NAV2: variants seen among roughly 807,000 people sequenced by gnomAD.
NAV2 encodes neuron navigator 2.
NAV2 carries 54 observed loss-of-function variants against 223.2 expected under a neutral mutation model. That is an observed-to-expected ratio of 0.24 (90% CI 0.19 to 0.30). The LOEUF (loss-of-function observed/expected upper bound fraction) is 0.30, where lower values mean the gene tolerates loss of function less well. NAV2 is among the 10% of genes least tolerant of loss of function. The pLI is 1.00. For missense variants in NAV2, 2,806 were observed against 3,147.5 expected (o/e 0.89, Z 2.60); for synonymous variants, 1,279 against 1,239.3 (o/e 1.03, Z -0.67).
chr11:20,009,049 G>A (rs1249497660), intron 11 of NAV2, among the ~76,000 whole-genome samples: 3 of 152,076 alleles, frequency 2.0e-5, no homozygotes, highest in South Asian at 2.1e-4. Flanking sequence ...CCATCCTCAC[G>A]TGGCTACACA....
intron 14 of NAV2, 118 bp downstream of exon 14, chr11:20,045,788 G>C (rs2057368928): frequency 1.1e-6 from 1 of 878,198 alleles, no homozygotes; most frequent in African/African-American, 1.7e-5. Flanking sequence ...CTCCAGTAAA[G>C]CTGTTTTGTC....
At chr11:20,013,123 T>C (rs1022765432) in intron 11 of NAV2, among the ~76,000 whole-genome samples, 5 of 152,214 alleles carry the variant, frequency 3.3e-5, no homozygotes, top group African/African-American at 1.2e-4. Flanking sequence ...TAGCATTTTT[T>C]GGCTATGTGA....
chr11:19,777,068 G>C (rs1385692130), intron 1 of NAV2, among the ~76,000 whole-genome samples: 2 of 150,982 alleles, frequency 1.3e-5, no homozygotes, highest in African/African-American at 4.9e-5. Context: ...GGCCAGCTAG[G>C]GGGCGGGGAA....
intron 18 of NAV2, among the ~76,000 whole-genome samples, chr11:20,055,407 C>G (rs1742777063): frequency 6.6e-6 from 1 of 152,194 alleles, no homozygotes; most frequent in African/African-American, 2.4e-5. Flanking sequence ...ACAAATGCTT[C>G]CCATCTGATC....
At chr11:19,983,866 G>A (rs566545437) in intron 10 of NAV2, among the ~76,000 whole-genome samples, 1 of 152,262 alleles carries the variant, frequency 6.6e-6, no homozygotes, top group African/African-American at 2.4e-5. Flanking sequence ...CGTCTGCGTC[G>A]TAGGTACCTG....
intron 1 of NAV2, among the ~76,000 whole-genome samples, chr11:19,685,489 C>T (rs2152242069): frequency 6.6e-6 from 1 of 152,138 alleles, no homozygotes; most frequent in East Asian, 1.9e-4. Context: ...TCTGCGGGCT[C>T]CAAGATAATG....
intron 1 of NAV2, among the ~76,000 whole-genome samples, chr11:19,402,608 G>A (rs1364795121): frequency 6.6e-6 from 1 of 152,070 alleles, no homozygotes; most frequent in East Asian, 1.9e-4. Context: ...AATAGATACT[G>A]CTTTATCCCC....
intron 11 of NAV2, among the ~76,000 whole-genome samples, chr11:19,992,583 C>CTTTTTTTTT (rs780559920): frequency 9.7e-6 from 1 of 103,580 alleles, no homozygotes; most frequent in Non-Finnish European, 1.8e-5. Context: ...TCCTGAAGTA[C>CTTTTTTTTT]TTTTTTTTTT....
chr11:20,054,304 C>A, intron 18 of NAV2, 64 bp downstream of exon 18: 1 of 1,429,514 alleles, frequency 7.0e-7, no homozygotes, highest in Non-Finnish European at 9.3e-7. Context: ...ATCTTATATA[C>A]ATAACATATT....
At position 20,043,963 on chromosome 11, in the gene NAV2, G is replaced by T. The variant is rs2057201563; in HGVS notation, c.2908-18G>T. 9 of 1,604,982 alleles carry T rather than the reference G, an allele frequency of 5.6e-6. No homozygotes were observed. The highest frequency in any genetic ancestry group is 4.5e-5 in the East Asian group (2 of 44,598). On this transcript the variant is annotated intron_variant, in intron 12 of 37. Coordinates refer to ENST00000349880, the MANE Select transcript of NAV2 (RefSeq NM_145117.5). The stretch of plus-strand genomic sequence containing the variant: ...CTGGGACTGGGGAAGGACTAATTCA[G>T]AGAGTCTCTGTCCACAGACTGATGC...
chr11:20,092,999 C>T (rs1294519091), intron 28 of NAV2, 100 bp from the exon 29 acceptor site: 1 of 462,824 alleles, frequency 2.2e-6, no homozygotes, highest in East Asian at 5.0e-5. Flanking sequence ...CACCCTGACA[C>T]CTGTTTGTCC....
At position 19,713,562 on chromosome 11, in the gene NAV2, T is replaced by G. The variant is rs2050017111; in HGVS notation, c.-134T>G. 2.9e-6 allele frequency: 4 copies of G among 1,403,118 alleles called. No homozygotes were observed. In the African/African-American group the frequency reaches 5.9e-5, roughly 21 times the overall value. The allele number at this position is 1,403,118 out of a possible 1,614,324, so 86.9% of individuals were successfully genotyped here. On this transcript the variant is annotated 5_prime_UTR_variant, in exon 1 of 38. Coordinates refer to ENST00000349880, the MANE Select transcript of NAV2 (RefSeq NM_145117.5). The surrounding 1 kb of genome is among the most constrained non-coding windows in gnomAD (Gnocchi z 7.2). ...TTCGAGTTCCCCGACCTGGGGATTT[T>G]TTTTTTAGCCGCTGGTGGTGGGCGC...
intron 3 of NAV2, among the ~76,000 whole-genome samples, chr11:19,868,355 A>G (rs993649645): frequency 1.3e-5 from 2 of 152,152 alleles, no homozygotes; most frequent in African/African-American, 4.8e-5. Context: ...GCCCTGGCAA[A>G]CCTGGCAGAT....
At chr11:19,797,127 CAGG>C (rs1335288525) in intron 1 of NAV2, among the ~76,000 whole-genome samples, 1 of 152,122 alleles carries the variant, frequency 6.6e-6, no homozygotes. Context: ...GAGGATCGAG[CAGG>C]AGAATGTGGG....
intron 1 of NAV2, among the ~76,000 whole-genome samples, chr11:19,379,220 A>G (rs1848750504): frequency 6.6e-6 from 1 of 152,058 alleles, no homozygotes; most frequent in Admixed American, 6.5e-5. Context: ...GACAGACTGG[A>G]TGGGGCGTGA....
At chr11:19,898,980 G>A (rs1320933741) in intron 6 of NAV2, among the ~76,000 whole-genome samples, 2 of 152,092 alleles carry the variant, frequency 1.3e-5, no homozygotes, top group Non-Finnish European at 2.9e-5. Context: ...TTGAGTTTGA[G>A]GTCAAACTTT....
intron 12 of NAV2, among the ~76,000 whole-genome samples, chr11:20,040,369 T>TA (rs2056796880): frequency 6.6e-6 from 1 of 152,154 alleles, no homozygotes; most frequent in African/African-American, 2.4e-5. Flanking sequence ...GAACCACTGT[T>TA]TATTGAGTCC....
At chr11:19,905,536 T>A (rs879192046) in intron 6 of NAV2, among the ~76,000 whole-genome samples, 1 of 152,182 alleles carries the variant, frequency 6.6e-6, no homozygotes, top group East Asian at 1.9e-4. Flanking sequence ...TGGGCCCTAT[T>A]TTTAACTATT....
At chr11:19,652,549 C>CA (rs1390084587) in intron 1 of NAV2, among the ~76,000 whole-genome samples, 3 of 152,196 alleles carry the variant, frequency 2.0e-5, no homozygotes, top group African/African-American at 7.2e-5. Context: ...TTCTTCCCCC[C>CA]ACTCCACGCC....
Sources: gnomAD v4.1 joint callset for allele counts (sites outside exome capture counted in the v4.1 genomes callset) on GRCh38, gnomAD v4.1.1 for gene constraint, Gnocchi (gnomAD v3.1) non-coding constraint, MANE v1.5 for transcripts, NCBI Gene and HGNC (gene_info 2026-07-23, HGNC 2026-07-21) for gene names.